The following PTPRD variants were observed in gnomAD, a reference collection of about 807,000 sequenced individuals.
PTPRD encodes receptor-type tyrosine-protein phosphatase delta.
PTPRD carries 34 observed loss-of-function variants against 214.5 expected under a neutral mutation model. The ratio of observed to expected loss-of-function variants is 0.16; its 90% confidence interval spans 0.12 to 0.21. PTPRD has a LOEUF of 0.21. Among genes scored for constraint, PTPRD ranks in the 10% least tolerant of loss-of-function variants. The pLI, the probability that PTPRD is intolerant of heterozygous loss-of-function variation, is 1.00. For synonymous variants in PTPRD, 1,128 were observed against 845.7 expected (o/e 1.33, Z -5.79); for missense variants, 2,545 against 2,398.7 (o/e 1.06, Z -1.27).
At chr9:8,389,139 G>A (rs1256561512) in intron 37 of PTPRD, 93 bp downstream of exon 37, 10 of 1,107,986 alleles carry the variant, frequency 9.0e-6, no homozygotes, top group East Asian at 5.1e-5. Context: ...ATAAGCCTTA[G>A]GGAAAGGTTA....
At chr9:10,302,923 A>G (rs978137091) in intron 3 of PTPRD, among the ~76,000 whole-genome samples, 3 of 152,118 alleles carry the variant, frequency 2.0e-5, no homozygotes, top group Admixed American at 2.0e-4. Flanking sequence ...AATAGACATC[A>G]ATAGAACTCT....
intron 3 of PTPRD, among the ~76,000 whole-genome samples, chr9:10,271,834 C>T (rs117837265): frequency 0.017 from 2,547 of 152,088 alleles, 57 homozygotes; most frequent in African/African-American, 0.045. Context: ...TGAGACACTG[C>T]ACCTGGCCCT....
At chr9:8,798,893 C>G (rs890188521) in intron 11 of PTPRD, among the ~76,000 whole-genome samples, 1 of 152,036 alleles carries the variant, frequency 6.6e-6, no homozygotes, top group Non-Finnish European at 1.5e-5. Context: ...AGTTTAAGTG[C>G]CTATGAGATG....
At chr9:8,429,729 T>C (rs2094920614) in intron 35 of PTPRD, among the ~76,000 whole-genome samples, 1 of 152,152 alleles carries the variant, frequency 6.6e-6, no homozygotes, top group Admixed American at 6.5e-5. Flanking sequence ...ATGTGAGCAC[T>C]GAGACTGGAG....
intron 10 of PTPRD, among the ~76,000 whole-genome samples, chr9:9,032,838 G>GACA (rs1482276665): frequency 6.6e-6 from 1 of 152,104 alleles, no homozygotes; most frequent in Non-Finnish European, 1.5e-5. Context: ...AAGATACTGA[G>GACA]ACAATATCTA....
rs1390063502 is a variant in PTPRD at position 9,271,735 on chromosome 9, G to GT, written c.-202-88373dup. On this transcript the variant is annotated intron_variant, in intron 9 of 45. Transcript: ENST00000381196. ...AAACACCTTCTCAATCTGTGAAAATGTTTTTTCTGAGACTAACATCAAATA... is the reference window on the plus strand; with the variant it reads ...AAACACCTTCTCAATCTGTGAAAATGTTTTTTTCTGAGACTAACATCAAATA... 5.9e-5 allele frequency among the ~76,000 whole-genome samples: 9 copies of GT among 151,334 alleles called. No individual in the cohort carries two copies. The South Asian group carries it at 1.7e-3, about 28-fold the overall frequency.
intron 2 of PTPRD, among the ~76,000 whole-genome samples, chr9:10,370,800 T>C (rs1455148113): frequency 6.6e-6 from 1 of 151,976 alleles, no homozygotes; most frequent in Non-Finnish European, 1.5e-5. Flanking sequence ...TCCTACCTAA[T>C]GCTGTCTTTG....
At chr9:9,281,392 A>C (rs1326847491) in intron 9 of PTPRD, among the ~76,000 whole-genome samples, 4 of 151,334 alleles carry the variant, frequency 2.6e-5, no homozygotes, top group Non-Finnish European at 5.9e-5. Context: ...AACTTTTAAA[A>C]TTCAACATAA....
intron 11 of PTPRD, among the ~76,000 whole-genome samples, chr9:8,761,753 A>G (rs2094429724): frequency 6.6e-6 from 1 of 152,222 alleles, no homozygotes; most frequent in South Asian, 2.1e-4. Flanking sequence ...GGTCTATTAA[A>G]GAAAATGGGA....
intron 34 of PTPRD, among the ~76,000 whole-genome samples, chr9:8,444,589 G>A (rs141281323): frequency 1.3e-5 from 2 of 152,060 alleles, no homozygotes; most frequent in African/African-American, 4.8e-5. Flanking sequence ...TTCTCTAAAA[G>A]TGCTTTTGTT....
chr9:9,696,251 G>T (rs145203726), intron 7 of PTPRD, among the ~76,000 whole-genome samples: 1 of 152,018 alleles, frequency 6.6e-6, no homozygotes. Context: ...TGTTTCATAC[G>T]TTTATAAGAA....
chr9:8,727,048 A>G (rs2098589847), intron 12 of PTPRD, among the ~76,000 whole-genome samples: 1 of 152,094 alleles, frequency 6.6e-6, no homozygotes, highest in Non-Finnish European at 1.5e-5. Flanking sequence ...AAAGAAGTTA[A>G]GAATGTTAAG....
intron 12 of PTPRD, among the ~76,000 whole-genome samples, chr9:8,694,942 A>G (rs1421649585): frequency 6.6e-6 from 1 of 152,226 alleles, no homozygotes; most frequent in Non-Finnish European, 1.5e-5. Context: ...ATTTTGGGCT[A>G]TAGATAACAG....
At chr9:9,469,826 T>C (rs1169576280) in intron 8 of PTPRD, among the ~76,000 whole-genome samples, 3 of 152,188 alleles carry the variant, frequency 2.0e-5, no homozygotes, top group South Asian at 2.1e-4. Context: ...TTGTATATAA[T>C]GAAAAATCAA....
chr9:9,238,191 C>T (rs1433172625), intron 9 of PTPRD, among the ~76,000 whole-genome samples: 2 of 151,974 alleles, frequency 1.3e-5, no homozygotes, highest in Non-Finnish European at 2.9e-5. Context: ...CTGCATGTAG[C>T]CCTGAGAGTC....
At chr9:9,954,859 A>G (rs1321949381) in intron 4 of PTPRD, among the ~76,000 whole-genome samples, 1 of 152,188 alleles carries the variant, frequency 6.6e-6, no homozygotes, top group Non-Finnish European at 1.5e-5. Flanking sequence ...CTAGACAAAT[A>G]TTACAAAGGA....
intron 12 of PTPRD, among the ~76,000 whole-genome samples, chr9:8,664,960 T>C (rs1049053984): frequency 6.6e-6 from 1 of 152,162 alleles, no homozygotes; most frequent in African/African-American, 2.4e-5. Context: ...GTTCACCAAC[T>C]ACACACAATT....
intron 11 of PTPRD, among the ~76,000 whole-genome samples, chr9:8,952,142 G>A (rs774378478): frequency 2.0e-4 from 31 of 151,866 alleles, no homozygotes; most frequent in Admixed American, 8.5e-4. Context: ...CTAAAATAAT[G>A]TGAGTTTCAT....
At position 8,705,674 on chromosome 9, in the gene PTPRD, T is replaced by G. The variant is rs766107074; in HGVS notation, c.64+28106A>C. 3.8e-4 allele frequency among the ~76,000 whole-genome samples: 58 copies of G among 152,286 alleles called. 1 individual carries two copies. In the Middle Eastern group the frequency reaches 0.01, roughly 27 times the overall value. ...ATAACAAATTGAGAATAAAAAATAA[T>G]TTATCATATTCACATAAAATAGTTT... On this transcript the variant is annotated intron_variant, in intron 12 of 45. Transcript: ENST00000381196.
Sources: allele counts gnomAD v4.1 joint callset (sites outside exome capture counted in the v4.1 genomes callset), GRCh38; gene constraint gnomAD v4.1.1; transcripts MANE v1.5; gene names NCBI Gene and HGNC (gene_info 2026-07-23, HGNC 2026-07-21).